KIAA1217: variants seen among roughly 807,000 people sequenced by gnomAD.
KIAA1217 encodes the protein KIAA1217.
In KIAA1217, 88 loss-of-function variants were observed where a neutral mutation model predicts 163.9. That is an observed-to-expected ratio of 0.54 (90% CI 0.45 to 0.64). The LOEUF (loss-of-function observed/expected upper bound fraction) is 0.64. Among genes scored for constraint, KIAA1217 ranks in the 30% least tolerant of loss-of-function variants. The probability of loss-of-function intolerance (pLI) is 0.00; values close to 1 mark genes in which losing one functional copy is unlikely to be tolerated. For missense variants in KIAA1217, 2,372 were observed against 2,475.0 expected, an observed-to-expected ratio of 0.96 and a Z score of 0.88; for synonymous variants, 903 against 923.1, an observed-to-expected ratio of 0.98 and a Z score of 0.39.
At chr10:24,541,690 T>C (rs778255381) in intron 17 of KIAA1217, among the ~76,000 whole-genome samples, 1 of 152,174 alleles carries the variant, frequency 6.6e-6, no homozygotes, top group Non-Finnish European at 1.5e-5. Context: ...TGATACACCT[T>C]GGGAAAGGCC....
intron 1 of KIAA1217, among the ~76,000 whole-genome samples, chr10:23,922,000 C>A (rs529443127): frequency 6.6e-6 from 1 of 152,068 alleles, no homozygotes; most frequent in African/African-American, 2.4e-5. Context: ...GTTGCAGTTG[C>A]CAGAGGTACC....
intron 2 of KIAA1217, among the ~76,000 whole-genome samples, chr10:24,113,090 T>C (rs2131748457): frequency 6.6e-6 from 1 of 152,044 alleles, no homozygotes; most frequent in East Asian, 1.9e-4. Context: ...AGAGAGTAAA[T>C]TCTTATTGCT....
chr10:24,201,433 G>T (rs1321876244), intron 2 of KIAA1217, among the ~76,000 whole-genome samples: 1 of 152,184 alleles, frequency 6.6e-6, no homozygotes, highest in African/African-American at 2.4e-5. Flanking sequence ...TTTTGCAAAA[G>T]GGAGTGTTTA....
intron 1 of KIAA1217, among the ~76,000 whole-genome samples, chr10:23,706,946 G>A (rs1250840512): frequency 6.6e-6 from 1 of 152,102 alleles, no homozygotes; most frequent in Non-Finnish European, 1.5e-5. Context: ...ACACCAGGCG[G>A]GGACCTGTTA....
chr10:24,194,953 G>T (rs370898805), intron 2 of KIAA1217, among the ~76,000 whole-genome samples: 2 of 152,042 alleles, frequency 1.3e-5, no homozygotes, highest in African/African-American at 4.8e-5. Context: ...TCTGTACGAG[G>T]ATAACAAGTC....
chr10:24,007,707 G>A (rs952059510), intron 2 of KIAA1217, among the ~76,000 whole-genome samples: 6 of 152,150 alleles, frequency 3.9e-5, no homozygotes, highest in African/African-American at 1.4e-4. Context: ...TAAAGAATAC[G>A]AAAATGCTCA....
chr10:24,258,683 C>A (rs979996719), intron 2 of KIAA1217, among the ~76,000 whole-genome samples: 12 of 151,828 alleles, frequency 7.9e-5, no homozygotes, highest in African/African-American at 2.9e-4. Flanking sequence ...AGCTCCACCT[C>A]CCGGGTTCAC....
intron 5 of KIAA1217, among the ~76,000 whole-genome samples, chr10:24,468,207 C>T (rs1000261697): frequency 7.9e-5 from 12 of 152,156 alleles, no homozygotes; most frequent in African/African-American, 2.7e-4. Context: ...CCCTTACCTT[C>T]CCCCACATCC....
At chr10:24,384,362 A>G (rs1277216640) in intron 3 of KIAA1217, among the ~76,000 whole-genome samples, 2 of 152,132 alleles carry the variant, frequency 1.3e-5, no homozygotes, top group Non-Finnish European at 2.9e-5. Context: ...GACAGTTCCC[A>G]TACACCCTTG....
intron 10 of KIAA1217, among the ~76,000 whole-genome samples, chr10:24,518,545 C>T (rs1347145256): frequency 6.6e-6 from 1 of 152,190 alleles, no homozygotes; most frequent in African/African-American, 2.4e-5. Context: ...CACTGACAGA[C>T]ATGTTGGTTG....
intron 5 of KIAA1217, among the ~76,000 whole-genome samples, chr10:24,457,345 T>C (rs1272087787): frequency 6.9e-6 from 1 of 145,660 alleles, no homozygotes; most frequent in South Asian, 2.1e-4. Flanking sequence ...TTTTTTGTTT[T>C]GTGTGTGTGT....
intron 3 of KIAA1217, among the ~76,000 whole-genome samples, chr10:24,419,219 T>G (rs1564645721): frequency 6.6e-6 from 1 of 151,960 alleles, no homozygotes; most frequent in Non-Finnish European, 1.5e-5. Flanking sequence ...TTCTGACCTT[T>G]GCTCTTTGCT....
At chr10:23,777,046 CAT>C (rs1361985063) in intron 1 of KIAA1217, among the ~76,000 whole-genome samples, 1 of 152,100 alleles carries the variant, frequency 6.6e-6, no homozygotes, top group Non-Finnish European at 1.5e-5. Flanking sequence ...CTCTCATGAG[CAT>C]ATCATTCTTA....
At chr10:24,038,422 C>T (rs1004305150) in intron 2 of KIAA1217, among the ~76,000 whole-genome samples, 1 of 152,176 alleles carries the variant, frequency 6.6e-6, no homozygotes, top group African/African-American at 2.4e-5. Flanking sequence ...AGTATTACAG[C>T]TCAAACCAAG....
chr10:24,363,075 C>T (rs12257172), intron 2 of KIAA1217, among the ~76,000 whole-genome samples: 2,210 of 152,226 alleles, frequency 0.015, 57 homozygotes, highest in African/African-American at 0.051. Flanking sequence ...TTTTTCCCTC[C>T]TTTACTGATA....
intron 1 of KIAA1217, among the ~76,000 whole-genome samples, chr10:23,873,922 T>G (rs1840573086): frequency 6.6e-6 from 1 of 152,042 alleles, no homozygotes; most frequent in African/African-American, 2.4e-5. Context: ...ATCAGTGAAG[T>G]GAAGTGGCAT....
At chr10:24,429,462 G>A (rs570808277) in intron 3 of KIAA1217, among the ~76,000 whole-genome samples, 8 of 152,240 alleles carry the variant, frequency 5.3e-5, no homozygotes, top group Admixed American at 5.2e-4. Context: ...ACTCTGACAT[G>A]ATTCTATGTT....
intron 2 of KIAA1217, among the ~76,000 whole-genome samples, chr10:24,339,149 G>A (rs746355152): frequency 3.9e-5 from 6 of 152,080 alleles, no homozygotes; most frequent in South Asian, 2.1e-4. Context: ...GATCTCCCCC[G>A]TTCTCACACT....
intron 1 of KIAA1217, among the ~76,000 whole-genome samples, chr10:23,949,004 A>G (rs1383317744): frequency 1.3e-5 from 2 of 152,184 alleles, no homozygotes; most frequent in Non-Finnish European, 1.5e-5. Context: ...GGTAGCACAG[A>G]TATGAAAGGT....
Sources: gnomAD v4.1 joint callset for allele counts (sites outside exome capture counted in the v4.1 genomes callset) on GRCh38, gnomAD v4.1.1 for gene constraint, MANE v1.5 for transcripts, NCBI Gene and HGNC (gene_info 2026-07-23, HGNC 2026-07-21) for gene names.